Variants in ADAMTSL1 observed in about 807,000 individuals in gnomAD.
The protein encoded by ADAMTSL1 is ADAMTS like 1, also known as ADAMTS-like protein 1.
A neutral mutation model predicts 201.8 loss-of-function variants in ADAMTSL1; 126 were observed. The observed-to-expected ratio is 0.62, with a 90% CI of 0.54 to 0.72. The LOEUF is 0.72. Among genes scored for constraint, ADAMTSL1 ranks in the 30% least tolerant of loss-of-function variants. ADAMTSL1 has a pLI of 0.00. For missense variants in ADAMTSL1, 2,679 were observed against 2,277.8 expected (o/e 1.18, Z -3.59); for synonymous variants, 1,121 against 903.4 (o/e 1.24, Z -4.32).
At chr9:17,952,015 A>G (rs1827747278) in intron 1 of ADAMTSL1, among the ~76,000 whole-genome samples, 1 of 151,872 alleles carries the variant, frequency 6.6e-6, no homozygotes, top group African/African-American at 2.4e-5. Context: ...TGCCCAGGCT[A>G]GTCTTGAACT....
intron 20 of ADAMTSL1, among the ~76,000 whole-genome samples, chr9:18,812,469 T>G (rs1481040788): frequency 6.6e-6 from 1 of 152,180 alleles, no homozygotes; most frequent in Admixed American, 6.5e-5. Context: ...AGGTAAAATG[T>G]AAAACTATAA....
At chr9:18,533,079 T>A (rs1251301373) in intron 2 of ADAMTSL1, among the ~76,000 whole-genome samples, 168 bp from the exon 3 acceptor site, 1 of 152,090 alleles carries the variant, frequency 6.6e-6, no homozygotes, top group African/African-American at 2.4e-5. Context: ...ATCTATAACT[T>A]CTTTAAATCT....
chr9:18,725,188 G>A (rs1817798608), intron 15 of ADAMTSL1, among the ~76,000 whole-genome samples: 1 of 152,164 alleles, frequency 6.6e-6, no homozygotes, highest in Non-Finnish European at 1.5e-5. Context: ...TTACAGGCGT[G>A]AGCCAACGTG....
At chr9:18,220,584 G>T (rs1830219028) in intron 2 of ADAMTSL1, among the ~76,000 whole-genome samples, 3 of 152,002 alleles carry the variant, frequency 2.0e-5, no homozygotes, top group Admixed American at 2.0e-4. Context: ...TTCTTTAACT[G>T]GTAAACTTGT....
chr9:18,826,541 G>A (rs1324981313), intron 22 of ADAMTSL1, 78 bp downstream of exon 22: 22 of 1,496,580 alleles, frequency 1.5e-5, no homozygotes, highest in Admixed American at 2.1e-5. Context: ...CCTCCTTTGT[G>A]CCCTAATCCA....
intron 1 of ADAMTSL1, among the ~76,000 whole-genome samples, chr9:18,066,811 A>G (rs1286173017): frequency 6.6e-6 from 1 of 152,254 alleles, no homozygotes. Flanking sequence ...GCAGCCATAA[A>G]AAATGATGAG....
chr9:18,606,386 T>G (rs1030986749), intron 4 of ADAMTSL1, among the ~76,000 whole-genome samples: 1 of 152,194 alleles, frequency 6.6e-6, no homozygotes, highest in South Asian at 2.1e-4. Flanking sequence ...AGAAATAAAC[T>G]TAGGAAATAT....
chr9:18,894,513 G>C (rs572443268), intron 26 of ADAMTSL1, among the ~76,000 whole-genome samples: 1 of 152,084 alleles, frequency 6.6e-6, no homozygotes, highest in South Asian at 2.1e-4. Flanking sequence ...CTTTATAAGC[G>C]TGATTCGCAT....
intron 1 of ADAMTSL1, among the ~76,000 whole-genome samples, chr9:18,105,450 A>G (rs1261067102): frequency 6.6e-6 from 1 of 152,184 alleles, no homozygotes; most frequent in Non-Finnish European, 1.5e-5. Flanking sequence ...GTTTTACTTA[A>G]TATTGCAAAA....
At chr9:18,384,026 A>G (rs1029071684) in intron 2 of ADAMTSL1, among the ~76,000 whole-genome samples, 1 of 152,128 alleles carries the variant, frequency 6.6e-6, no homozygotes, top group Non-Finnish European at 1.5e-5. Flanking sequence ...GCTTTACATT[A>G]CCAAATGCTT....
Position 18,338,002 on chromosome 9 carries a change from G to C in ADAMTSL1, c.208-166827G>C, listed in dbSNP as rs561128065. 2.8e-4 allele frequency among the ~76,000 whole-genome samples: 42 copies of C among 152,212 alleles called. No homozygotes were observed. The Middle Eastern group carries it at 0.01, about 37-fold the overall frequency. ...TACAGGAGTGGGGCAAAAGATGAAG[G>C]GGTACAGGGAGAAAGATTATTTAGG... On this transcript the variant is annotated intron_variant, in intron 2 of 29. Transcript: ENST00000680146.
At chr9:18,105,190 C>T (rs1351699837) in intron 1 of ADAMTSL1, among the ~76,000 whole-genome samples, 2 of 152,150 alleles carry the variant, frequency 1.3e-5, no homozygotes, top group Non-Finnish European at 2.9e-5. Flanking sequence ...AACAAGCGAA[C>T]TGGAATATGT....
rs183099775 is a variant in ADAMTSL1 at position 18,661,465 on chromosome 9, C to G, written c.947-470C>G. Among the ~76,000 whole-genome samples, 658 of 152,154 alleles carry G rather than the reference C, an allele frequency of 4.3e-3. 7 individuals are homozygous for G. The highest frequency in any genetic ancestry group is 6.8e-3 in the Middle Eastern group (2 of 294). Reference sequence around the variant, plus strand: ...CTGGTGGAACCTGATCCTGTGCTGGCCCCCCATGTGCAAGGGGAGCAATGT... The same window carrying G: ...CTGGTGGAACCTGATCCTGTGCTGGGCCCCCATGTGCAAGGGGAGCAATGT... On this transcript the variant is annotated intron_variant, in intron 8 of 28. Transcript: ENST00000380548.
At chr9:18,563,754 T>G (rs1179381797) in intron 3 of ADAMTSL1, among the ~76,000 whole-genome samples, 1 of 152,204 alleles carries the variant, frequency 6.6e-6, no homozygotes, top group Non-Finnish European at 1.5e-5. Context: ...ACAGCAGCTT[T>G]GCGTAGCTGC....
intron 23 of ADAMTSL1, among the ~76,000 whole-genome samples, chr9:18,864,694 C>T (rs1827399248): frequency 6.6e-6 from 1 of 152,168 alleles, no homozygotes; most frequent in Non-Finnish European, 1.5e-5. Context: ...TTCCCTGAGT[C>T]AGGCTGTTTA....
chr9:18,137,968 C>T (rs1391891865), intron 1 of ADAMTSL1, among the ~76,000 whole-genome samples: 7 of 152,116 alleles, frequency 4.6e-5, no homozygotes, highest in Non-Finnish European at 8.8e-5. Context: ...AAGCTAGGGA[C>T]CACCTAGTGG....
chr9:18,869,964 A>G (rs1827784720), intron 23 of ADAMTSL1, among the ~76,000 whole-genome samples: 1 of 152,020 alleles, frequency 6.6e-6, no homozygotes, highest in Admixed American at 6.6e-5. Context: ...GTTTTTCACA[A>G]TGGATAATTT....
At chr9:18,254,989 T>C (rs2132508467) in intron 2 of ADAMTSL1, among the ~76,000 whole-genome samples, 1 of 152,300 alleles carries the variant, frequency 6.6e-6, no homozygotes, top group Middle Eastern at 3.4e-3. Context: ...GGTTATATTT[T>C]TTCTGTATTT....
intron 3 of ADAMTSL1, among the ~76,000 whole-genome samples, chr9:18,544,115 A>C (rs1820332583): frequency 2.0e-5 from 3 of 152,162 alleles, no homozygotes; most frequent in Admixed American, 6.5e-5. Context: ...CAGTTTCCTC[A>C]ATCTTGAAGT....
Sources: allele counts gnomAD v4.1 joint callset (sites outside exome capture counted in the v4.1 genomes callset), GRCh38; gene constraint gnomAD v4.1.1; transcripts MANE v1.5; gene names NCBI Gene and HGNC (gene_info 2026-07-23, HGNC 2026-07-21).